PINX1: variants seen among roughly 807,000 people sequenced by gnomAD.
PINX1 encodes the protein PIN2 (TERF1) interacting telomerase inhibitor 1, also known as PIN2/TERF1-interacting telomerase inhibitor 1.
Under a neutral mutation model 25.4 loss-of-function variants are expected in PINX1, and 34 were observed. That is an observed-to-expected ratio of 1.34 (90% CI 1.02 to 1.78). PINX1 has a LOEUF of 1.78. PINX1 is among the 40% of genes most tolerant of loss of function. The pLI, the probability that PINX1 is intolerant of heterozygous loss-of-function variation, is 0.00. For synonymous variants in PINX1, 197 were observed against 147.7 expected, an observed-to-expected ratio of 1.33 and a Z score of -2.42; for missense variants, 592 against 404.9, an observed-to-expected ratio of 1.46 and a Z score of -3.97.
intron 6 of PINX1, among the ~76,000 whole-genome samples, chr8:10,805,073 G>A (rs768960215): frequency 5.3e-5 from 8 of 152,132 alleles, no homozygotes; most frequent in Admixed American, 4.6e-4. Flanking sequence ...TTTCCCAATA[G>A]GACAATTATT....
chr8:10,807,284 A>G (rs1260660308), intron 6 of PINX1, among the ~76,000 whole-genome samples: 1 of 150,846 alleles, frequency 6.6e-6, no homozygotes, highest in African/African-American at 2.4e-5. Context: ...CTTACCTTAT[A>G]ATAAGAAGGT....
intron 2 of PINX1, 27 bp from the exon 3 acceptor site, chr8:10,833,011 G>C (rs766777321): frequency 4.2e-6 from 6 of 1,418,490 alleles, no homozygotes; most frequent in Non-Finnish European, 2.0e-6. Flanking sequence ...CAGAGAGTTA[G>C]AACATTCCTC....
chr8:10,816,645 C>G lies in PINX1; in HGVS notation c.471+3548G>C, dbSNP rs564490653. On this transcript the variant is annotated intron_variant, in intron 6 of 6. Transcript: ENST00000314787. ...ATTATTTTCCACAAAATAGCAACAGCCAATCATTTTCCCACAAAGTTACGA... is the reference window on the plus strand; with the variant it reads ...ATTATTTTCCACAAAATAGCAACAGGCAATCATTTTCCCACAAAGTTACGA... Among the ~76,000 whole-genome samples the G allele has an allele frequency of 2.6e-5, 4 of 152,338 alleles. No individual in the cohort carries two copies. The South Asian group carries it at 8.3e-4, about 32-fold the overall frequency.
At chr8:10,798,616 A>G (rs1278131686) in intron 6 of PINX1, among the ~76,000 whole-genome samples, 2 of 152,226 alleles carry the variant, frequency 1.3e-5, no homozygotes, top group Non-Finnish European at 2.9e-5. Flanking sequence ...CCGTTTAGGA[A>G]AGTCTCTTGG....
intron 1 of PINX1, among the ~76,000 whole-genome samples, chr8:10,838,593 T>G (rs904731066): frequency 3.9e-5 from 6 of 152,244 alleles, no homozygotes; most frequent in African/African-American, 1.2e-4. Flanking sequence ...GCCAAGTGCA[T>G]GCTGAATTAA....
chr8:10,789,819 C>G (rs1026725281), intron 6 of PINX1, among the ~76,000 whole-genome samples: 4 of 152,308 alleles, frequency 2.6e-5, no homozygotes, highest in African/African-American at 4.8e-5. Flanking sequence ...CAGCTTTTCA[C>G]TGTGGTTATC....
chr8:10,776,442 T>C (rs575394481), intron 6 of PINX1, among the ~76,000 whole-genome samples: 1 of 142,176 alleles, frequency 7.0e-6, no homozygotes, highest in South Asian at 2.2e-4. Context: ...AATAAATAAA[T>C]AAATAAACAA....
chr8:10,797,865 GAGA>G (rs1489709551), intron 6 of PINX1, among the ~76,000 whole-genome samples: 1 of 151,924 alleles, frequency 6.6e-6, no homozygotes, highest in Non-Finnish European at 1.5e-5. Context: ...GTCTGATGGA[GAGA>G]AGAAATCTAC....
rs1325650267 is a variant in PINX1, at chr8:10,832,956, G to A, written c.158C>T (p.Thr53Ile). The A allele has an allele frequency of 1.2e-6, 2 of 1,610,948 alleles. No homozygotes were observed. The highest frequency in any genetic ancestry group is 3.3e-5 in the Admixed American group (2 of 59,822). Residue 53 changes from threonine (T) to isoleucine (I), a missense_variant, in exon 3 of 7, where the codon ACA (threonine) becomes ATA (isoleucine). Transcript: ENST00000314787. ...KGLGAQEQGATDHIKVQVKNN... is the reference protein window; with the variant it reads ...KGLGAQEQGAIDHIKVQVKNN... ...TTTCACTTGAACTTTAATATGATCT[G>A]TGGCTCCTTGCTCCTGAGCCCCTAA...
At chr8:10,801,959 T>C (rs1281234883) in intron 6 of PINX1, among the ~76,000 whole-genome samples, 2 of 151,960 alleles carry the variant, frequency 1.3e-5, no homozygotes, top group East Asian at 3.9e-4. Context: ...TGCAGCAATC[T>C]CACAGTACTG....
chr8:10,817,696 C>A (rs934332671), intron 6 of PINX1, among the ~76,000 whole-genome samples: 4 of 152,140 alleles, frequency 2.6e-5, no homozygotes, highest in Non-Finnish European at 4.4e-5. Flanking sequence ...GGGGGCTCCT[C>A]GGATGGGGAT....
chr8:10,830,195 C>G (rs1207079670), intron 4 of PINX1, among the ~76,000 whole-genome samples: 1 of 152,222 alleles, frequency 6.6e-6, no homozygotes, highest in African/African-American at 2.4e-5. Context: ...ACACACAGAA[C>G]TGTTAGGTTA....
intron 2 of PINX1, 30 bp from the exon 3 acceptor site, chr8:10,833,014 C>T (rs1197921849): frequency 5.0e-6 from 7 of 1,387,588 alleles, no homozygotes; most frequent in Non-Finnish European, 7.0e-6. Context: ...AGAGTTAGAA[C>T]ATTCCTCTCA....
At chr8:10,812,409 C>A (rs1344485149) in intron 6 of PINX1, among the ~76,000 whole-genome samples, 1 of 152,180 alleles carries the variant, frequency 6.6e-6, no homozygotes, top group African/African-American at 2.4e-5. Context: ...AAGGTCAGAG[C>A]TGGAAGGGCT....
chr8:10,811,945 G>C (rs1236647431), intron 6 of PINX1, among the ~76,000 whole-genome samples: 2 of 152,286 alleles, frequency 1.3e-5, no homozygotes, highest in African/African-American at 4.8e-5. Flanking sequence ...CCACTTAGAA[G>C]AGCATGTGGA....
chr8:10,766,677 A>C (rs1454656932), intron 6 of PINX1, among the ~76,000 whole-genome samples: 1 of 152,260 alleles, frequency 6.6e-6, no homozygotes. Context: ...GCTGTTTTTA[A>C]ATGTGAGTTA....
At chr8:10,795,646 G>C (rs985200936) in intron 6 of PINX1, among the ~76,000 whole-genome samples, 2 of 152,120 alleles carry the variant, frequency 1.3e-5, no homozygotes, top group African/African-American at 4.8e-5. Flanking sequence ...TGATCCACCT[G>C]CCTCAGCCCA....
chr8:10,771,635 C>T (rs147555432), intron 6 of PINX1, among the ~76,000 whole-genome samples: 2 of 152,322 alleles, frequency 1.3e-5, no homozygotes, highest in Admixed American at 6.5e-5. Context: ...GACACCAAAC[C>T]CAGCTGGACC....
chr8:10,773,866 A>G (rs1282887070), intron 6 of PINX1, among the ~76,000 whole-genome samples: 1 of 152,258 alleles, frequency 6.6e-6, no homozygotes, highest in Non-Finnish European at 1.5e-5. Flanking sequence ...AAAGGCCCTC[A>G]GGCTCGGAAA....
Sources: allele counts gnomAD v4.1 joint callset (sites outside exome capture counted in the v4.1 genomes callset), GRCh38; gene constraint gnomAD v4.1.1; transcripts MANE v1.5; gene names NCBI Gene and HGNC (gene_info 2026-07-23, HGNC 2026-07-21).